USP43: variants seen among roughly 807,000 people sequenced by gnomAD.
The protein encoded by USP43 is ubiquitin specific peptidase 43.
USP43 carries 33 observed loss-of-function variants against 90.7 expected under a neutral mutation model. That is an observed-to-expected ratio of 0.36 (90% CI 0.28 to 0.49). The LOEUF is 0.49. Among genes scored for constraint, USP43 ranks in the 20% least tolerant of loss-of-function variants. The pLI is 0.98. For synonymous variants in USP43, 598 were observed against 615.8 expected, an observed-to-expected ratio of 0.97 and a Z score of 0.43; for missense variants, 1,274 against 1,476.4, an observed-to-expected ratio of 0.86 and a Z score of 2.25.
chr17:9,710,086 T>C lies in USP43; in HGVS notation c.2142T>C (p.Pro714=). 6.5e-7 allele frequency: 1 copy of C among 1,535,442 alleles called. No homozygotes were observed. The highest frequency in any genetic ancestry group is 8.8e-7 in the Non-Finnish European group (1 of 1,141,480). ...ILFYQKRNSI[P]PWSASSSMRG... is the part of the protein sequence containing the mutation. ...TCTATCAGAAGCGGAACAGCATCCCTCCCTGGTCAGCCAGCAGCTCCATGA... is the reference window on the plus strand; with the variant it reads ...TCTATCAGAAGCGGAACAGCATCCCCCCCTGGTCAGCCAGCAGCTCCATGA... Residue 714 remains proline (P), a synonymous_variant, in exon 13 of 15, where the codon CCT becomes CCC. Coordinates refer to ENST00000285199, the MANE Select transcript of USP43 (RefSeq NM_153210.5).
chr17:9,677,062 A>G (rs1175193881), intron 5 of USP43, among the ~76,000 whole-genome samples, 181 bp downstream of exon 5: 1 of 152,164 alleles, frequency 6.6e-6, no homozygotes, highest in East Asian at 1.9e-4. Flanking sequence ...CCCTGCATTG[A>G]CACAGAATGA....
chr17:9,659,035 G>T (rs1268208854), intron 2 of USP43, among the ~76,000 whole-genome samples: 2 of 152,270 alleles, frequency 1.3e-5, no homozygotes, highest in East Asian at 3.9e-4. Context: ...GTGCAGCTGG[G>T]TTGCATGCCT....
intron 9 of USP43, among the ~76,000 whole-genome samples, chr17:9,699,203 T>A (rs1305448463): frequency 1.3e-5 from 2 of 152,134 alleles, no homozygotes; most frequent in East Asian, 3.9e-4. Flanking sequence ...TCAGATAAGG[T>A]GCTTCTCCTC....
intron 9 of USP43, among the ~76,000 whole-genome samples, chr17:9,696,096 C>G (rs1165157154): frequency 6.6e-6 from 1 of 152,020 alleles, no homozygotes; most frequent in Admixed American, 6.6e-5. Context: ...CATTCTACCC[C>G]TGGCCCTCTG....
At chr17:9,675,516 C>T (rs1245341139) in intron 4 of USP43, among the ~76,000 whole-genome samples, 1 of 152,116 alleles carries the variant, frequency 6.6e-6, no homozygotes, top group African/African-American at 2.4e-5. Flanking sequence ...TAGCAGTGAC[C>T]AGGAAGGCAA....
intron 8 of USP43, among the ~76,000 whole-genome samples, chr17:9,688,144 C>A (rs1323726037): frequency 2.6e-5 from 4 of 151,636 alleles, no homozygotes; most frequent in Non-Finnish European, 5.9e-5. Context: ...CGCCACCACG[C>A]CCAGCTAACT....
chr17:9,678,654 T>C (rs1247239817), intron 5 of USP43, among the ~76,000 whole-genome samples: 2 of 152,192 alleles, frequency 1.3e-5, no homozygotes, highest in African/African-American at 4.8e-5. Context: ...TTTGGATTTA[T>C]TTATGTCATC....
At chr17:9,658,696 C>T (rs925688848) in intron 2 of USP43, among the ~76,000 whole-genome samples, 1 of 152,136 alleles carries the variant, frequency 6.6e-6, no homozygotes, top group Non-Finnish European at 1.5e-5. Context: ...TTCGTTGTGA[C>T]AGAAATTTAA....
chr17:9,695,641 A>G lies in USP43; in HGVS notation c.1457+2411A>G, dbSNP rs530005289. ...AGCCACCACTTAGGGCCAAAATTAC[A>G]TTTTAACCACTTGAAAGTGTACAGT... On this transcript the variant is annotated intron_variant, in intron 9 of 14. Coordinates refer to ENST00000285199, the MANE Select transcript of USP43 (RefSeq NM_153210.5). 2.6e-5 allele frequency among the ~76,000 whole-genome samples: 4 copies of G among 152,268 alleles called. No individual in the cohort carries two copies. The South Asian group carries it at 6.2e-4, about 24-fold the overall frequency.
rs1396629452 is a variant in USP43 at position 9,650,464 on chromosome 17, G to A, written c.504+4328G>A. ...GTCGCCCAGGCTGGAGTGCAGGGGC[G>A]CTATCTCGGCTCACTGCAACCTCCA... On this transcript the variant is annotated intron_variant, in intron 1 of 14. Coordinates refer to ENST00000285199, the MANE Select transcript of USP43 (RefSeq NM_153210.5). Among the ~76,000 whole-genome samples, 5 of 152,072 alleles carry A rather than the reference G, an allele frequency of 3.3e-5. 1 individual carries two copies. The highest frequency in any genetic ancestry group is 2.0e-4 in the Admixed American group (3 of 15,256).
In USP43 at chr17:9,728,291, C is replaced by T; in HGVS notation, c.2673C>T (p.Pro891=). Residue 891 remains proline (P), a synonymous_variant, in exon 15 of 15, where the codon CCC becomes CCT. Coordinates refer to ENST00000285199, the MANE Select transcript of USP43 (RefSeq NM_153210.5). This position sits in a 1 kb window ranked among gnomAD's most constrained non-coding sequence, Gnocchi z 6.2. ...TTGAAAGAGGTCCAGCCGGGGTGCC[C>T]TGTCCCTCGGCTCAACCCAACCACT... ...RAIERGPAGV[P]CPSAQPNHCL... is the part of the protein sequence containing the mutation. 6.2e-7 allele frequency: 1 copy of T among 1,613,136 alleles called. No individual in the cohort carries two copies. Among genetic ancestry groups the T allele is most frequent in the Non-Finnish European group, 8.5e-7 (1 of 1,179,584 alleles).
At chr17:9,694,991 A>G (rs1043423585) in intron 9 of USP43, among the ~76,000 whole-genome samples, 2 of 152,162 alleles carry the variant, frequency 1.3e-5, no homozygotes, top group African/African-American at 4.8e-5. Context: ...CTGGTCTTTT[A>G]CCATAGGTAG....
chr17:9,710,207 G>A, intron 13 of USP43, 93 bp downstream of exon 13: 1 of 1,313,708 alleles, frequency 7.6e-7, no homozygotes, highest in Non-Finnish European at 9.8e-7. Context: ...ACCAGGAGAG[G>A]TTGGCAAGGA....
At chr17:9,654,344 A>C (rs1912080513) in intron 1 of USP43, among the ~76,000 whole-genome samples, 2 of 152,196 alleles carry the variant, frequency 1.3e-5, no homozygotes, top group Non-Finnish European at 2.9e-5. Flanking sequence ...ATCAACATGC[A>C]GAGAAGCCTG....
At chr17:9,654,285 C>T (rs965922653) in intron 1 of USP43, among the ~76,000 whole-genome samples, 8 of 152,148 alleles carry the variant, frequency 5.3e-5, no homozygotes, top group African/African-American at 1.9e-4. Flanking sequence ...TCAAATCTAT[C>T]TGAGCATCTT....
chr17:9,693,286 A>C, intron 9 of USP43, 56 bp downstream of exon 9: 1 of 1,409,486 alleles, frequency 7.1e-7, no homozygotes, highest in South Asian at 1.2e-5. Context: ...ATTTTACCAG[A>C]GTCCTTTGAG....
rs538528453 is a variant in USP43, at chr17:9,659,276, TACCTGACACAG to T, written c.636+2744_636+2754del. 1.4e-4 allele frequency among the ~76,000 whole-genome samples: 21 copies of T among 152,308 alleles called. No individual in the cohort carries two copies. In the South Asian group the frequency reaches 4.3e-3, roughly 32 times the overall value. On this transcript the variant is annotated intron_variant, in intron 2 of 14. Coordinates refer to ENST00000285199, the MANE Select transcript of USP43 (RefSeq NM_153210.5). ...TGATGCTTTGCACAATTTATTTCTC[TACCTGACACAG>T]AGTAGACAATAAACTCTTGAAGTGA... is the stretch of plus-strand genomic sequence containing the variant.
At chr17:9,668,409 G>C (rs1227896266) in intron 3 of USP43, among the ~76,000 whole-genome samples, 1 of 152,168 alleles carries the variant, frequency 6.6e-6, no homozygotes. Context: ...CCTGATTTAG[G>C]ATTCATGTTA....
intron 2 of USP43, 26 bp from the exon 3 acceptor site, chr17:9,666,622 G>A: frequency 6.3e-7 from 1 of 1,586,950 alleles, no homozygotes; most frequent in Non-Finnish European, 8.6e-7. Context: ...TATCTAATCT[G>A]GCTTCCTTTC....
Sources: gnomAD v4.1 joint callset for allele counts (sites outside exome capture counted in the v4.1 genomes callset) on GRCh38, gnomAD v4.1.1 for gene constraint, Gnocchi (gnomAD v3.1) non-coding constraint, MANE v1.5 for transcripts, NCBI Gene and HGNC (gene_info 2026-07-23, HGNC 2026-07-21) for gene names.